Variants in BBX observed in about 807,000 individuals in gnomAD.
BBX encodes the protein BBX high mobility group box domain containing, also known as HMG box transcription factor BBX.
Under a neutral mutation model 100.2 loss-of-function variants are expected in BBX, and 30 were observed. That is an observed-to-expected ratio of 0.30 (90% CI 0.22 to 0.41). BBX has a LOEUF of 0.41. BBX is among the 10% of genes least tolerant of loss of function. The pLI is 1.00. For synonymous variants in BBX, 376 were observed against 388.1 expected (o/e 0.97, Z 0.37); for missense variants, 1,023 against 1,129.8 (o/e 0.91, Z 1.35).
chr3:107,729,258 C>T (rs1437541582), intron 6 of BBX, among the ~76,000 whole-genome samples: 1 of 152,048 alleles, frequency 6.6e-6, no homozygotes, highest in Non-Finnish European at 1.5e-5. Context: ...ATTTTATGTT[C>T]ACAAAATAGC....
At position 107,778,465 on chromosome 3, in the gene BBX, A is replaced by G. The variant is rs773177139; in HGVS notation, c.2149A>G (p.Arg717Gly). The G allele has an allele frequency of 9.3e-6, 15 of 1,613,430 alleles. No individual in the cohort carries two copies. Among genetic ancestry groups the G allele is most frequent in the South Asian group, 5.5e-5 (5 of 91,078 alleles). Residue 717 changes from arginine (R) to glycine (G), a missense_variant, in exon 13 of 18, where the codon AGA (arginine) becomes GGA (glycine). Arg to Gly is a moderately radical substitution (Grantham distance 125). Transcript: ENST00000325805. ...TGACCGGAAATGTGTACCTGTCCCAAGAAAAAAGAAGAAGACTGGAAATGT... is the reference window on the plus strand; with the variant it reads ...TGACCGGAAATGTGTACCTGTCCCAGGAAAAAAGAAGAAGACTGGAAATGT... Reference protein sequence around the residue: ...TFDRKCVPVPRKKKKTGNVSS... With the variant: ...TFDRKCVPVPGKKKKTGNVSS...
At chr3:107,642,074 G>A (rs2057245505) in intron 2 of BBX, among the ~76,000 whole-genome samples, 1 of 152,092 alleles carries the variant, frequency 6.6e-6, no homozygotes, top group South Asian at 2.1e-4. Flanking sequence ...AGTGACCTGA[G>A]GCATGGAATT....
rs568293034 is a variant in BBX at position 107,567,912 on chromosome 3, C to A, written c.-84+41514C>A. 1.5e-4 allele frequency among the ~76,000 whole-genome samples: 23 copies of A among 151,862 alleles called. 1 individual carries two copies. In the East Asian group the frequency reaches 4.3e-3, roughly 28 times the overall value. ...CATGCGTATTTAAACATGTTTTTCT[C>A]ACAACATCTACAGTTATAGGTATTT... On this transcript the variant is annotated intron_variant, in intron 2 of 17. Coordinates refer to ENST00000325805, the MANE Select transcript of BBX (RefSeq NM_001142568.3).
intron 2 of BBX, among the ~76,000 whole-genome samples, chr3:107,595,419 A>T (rs1362272157): frequency 2.0e-5 from 3 of 152,228 alleles, no homozygotes; most frequent in African/African-American, 4.8e-5. Flanking sequence ...GGTTTATTTC[A>T]TGCTTCTGGG....
chr3:107,548,486 ATG>A (rs1467027440), intron 2 of BBX, among the ~76,000 whole-genome samples: 1 of 152,100 alleles, frequency 6.6e-6, no homozygotes, highest in Non-Finnish European at 1.5e-5. Context: ...TGTTTGGGAG[ATG>A]TTTTGGGAGA....
In BBX at chr3:107,733,188, T is replaced by TA. The variant is rs199605174; in HGVS notation, c.669+174dup. Among the ~76,000 whole-genome samples, 416 of 151,290 alleles carry TA rather than the reference T, an allele frequency of 2.7e-3. 2 individuals carry two copies. Among genetic ancestry groups the TA allele is most frequent in the African/African-American group, 5.4e-3 (223 of 41,236 alleles). On this transcript the variant is annotated intron_variant, in intron 7 of 17. Coordinates refer to ENST00000325805, the MANE Select transcript of BBX (RefSeq NM_001142568.3). ...TTCTGTGTGTCTTGTGTGTTGAGTGTAAAAAAAAAGTGGTGTAAATAAGGC... is the reference window on the plus strand; with the variant it reads ...TTCTGTGTGTCTTGTGTGTTGAGTGTAAAAAAAAAAGTGGTGTAAATAAGGC...
At chr3:107,737,915 A>G (rs1422069509) in intron 7 of BBX, among the ~76,000 whole-genome samples, 2 of 16,122 alleles carry the variant, frequency 1.2e-4, no homozygotes, top group African/African-American at 3.6e-4. Flanking sequence ...TTTTTTTTTT[A>G]ACTATTTGTA....
At chr3:107,554,700 G>A (rs1334006459) in intron 2 of BBX, among the ~76,000 whole-genome samples, 1 of 152,096 alleles carries the variant, frequency 6.6e-6, no homozygotes, top group African/African-American at 2.4e-5. Flanking sequence ...TCCAGCCTGG[G>A]CAACAGGGTG....
rs2051037821 is a variant in BBX at position 107,567,849 on chromosome 3, C to T, written c.-84+41451C>T. 2.6e-5 allele frequency among the ~76,000 whole-genome samples: 4 copies of T among 151,978 alleles called. No homozygotes were observed. In the South Asian group the frequency reaches 8.3e-4, roughly 32 times the overall value. ...TTGCTCTATTGGTTTGAATAGCATA[C>T]ATTCCTTTCTATTTTGTGGTTGCCT... On this transcript the variant is annotated intron_variant, in intron 2 of 17. Transcript: ENST00000325805.
intron 3 of BBX, among the ~76,000 whole-genome samples, chr3:107,699,260 A>G (rs538668580): frequency 6.6e-6 from 1 of 151,986 alleles, no homozygotes; most frequent in South Asian, 2.1e-4. Context: ...AGCAGGGATA[A>G]GAGTTCCACC....
At position 107,778,383 on chromosome 3, in the gene BBX, G is replaced by A. The variant is rs201690465; in HGVS notation, c.2067G>A (p.Leu689=). 123 of 1,613,212 alleles carry A rather than the reference G, an allele frequency of 7.6e-5. No homozygotes were observed. Among genetic ancestry groups the A allele is most frequent in the Non-Finnish European group, 9.7e-5 (114 of 1,179,440 alleles). Residue 689 remains leucine (L), a synonymous_variant, in exon 13 of 18, where the codon CTG becomes CTA. Coordinates refer to ENST00000325805, the MANE Select transcript of BBX (RefSeq NM_001142568.3). ...CCCCTTTTAATAGCTCCGCAAAGCTGGATGAAGAATTTGAAAAAAAATTCA... is the reference window on the plus strand; with the variant it reads ...CCCCTTTTAATAGCTCCGCAAAGCTAGATGAAGAATTTGAAAAAAAATTCA... ...KEDCLLGSAK[L]DEEFEKKFNS...
intron 2 of BBX, among the ~76,000 whole-genome samples, chr3:107,589,480 C>T (rs1043105821): frequency 1.3e-5 from 2 of 152,272 alleles, no homozygotes; most frequent in Admixed American, 6.5e-5. Context: ...ATTTGGTCCT[C>T]CAGATGGTTA....
intron 5 of BBX, 57 bp from the exon 6 acceptor site, chr3:107,728,708 A>G: frequency 1.3e-6 from 2 of 1,486,412 alleles, no homozygotes; most frequent in Non-Finnish European, 9.2e-7. Context: ...GACAGCCTTT[A>G]GAACTTTTTC....
At chr3:107,561,385 T>C (rs1414929653) in intron 2 of BBX, among the ~76,000 whole-genome samples, 1 of 152,184 alleles carries the variant, frequency 6.6e-6, no homozygotes, top group Non-Finnish European at 1.5e-5. Context: ...TATCGATCTA[T>C]ATGCCCTTGT....
intron 15 of BBX, among the ~76,000 whole-genome samples, chr3:107,791,709 A>G (rs1043699496): frequency 3.3e-5 from 5 of 152,206 alleles, no homozygotes; most frequent in Non-Finnish European, 7.3e-5. Flanking sequence ...AGCCCATTAA[A>G]ATAAACACCC....
chr3:107,717,059 G>T (rs1282276972), intron 5 of BBX, among the ~76,000 whole-genome samples: 1 of 152,116 alleles, frequency 6.6e-6, no homozygotes, highest in Non-Finnish European at 1.5e-5. Flanking sequence ...GAGGTGCCAA[G>T]AACAATATAT....
chr3:107,684,962 T>C lies in BBX; in HGVS notation c.-9-25490T>C, dbSNP rs1345913497. On this transcript the variant is annotated intron_variant, in intron 3 of 17. Transcript: ENST00000325805. The stretch of plus-strand genomic sequence containing the variant: ...AGAGCTGTTTTAAAACATGGACAAC[T>C]GAATTACATATTTTAGAAAGTAGAG... Among the ~76,000 whole-genome samples, 3 of 152,184 alleles carry C rather than the reference T, an allele frequency of 2.0e-5. No homozygotes were observed. In the East Asian group the frequency reaches 5.8e-4, roughly 29 times the overall value.
At chr3:107,600,529 T>G (rs1453992327) in intron 2 of BBX, among the ~76,000 whole-genome samples, 1 of 152,162 alleles carries the variant, frequency 6.6e-6, no homozygotes, top group Non-Finnish European at 1.5e-5. Context: ...TTTAAGTTAA[T>G]TTACATACAA....
chr3:107,623,138 C>T (rs111463931), intron 2 of BBX, among the ~76,000 whole-genome samples: 35 of 152,296 alleles, frequency 2.3e-4, no homozygotes, highest in African/African-American at 8.4e-4. Context: ...GTTTTTGGTT[C>T]TCTGGTTAGG....
Sources: gnomAD v4.1 joint callset for allele counts (sites outside exome capture counted in the v4.1 genomes callset) on GRCh38, gnomAD v4.1.1 for gene constraint, MANE v1.5 for transcripts, NCBI Gene and HGNC (gene_info 2026-07-23, HGNC 2026-07-21) for gene names.